Variants in GGA3 observed in about 807,000 individuals in gnomAD.
GGA3 encodes the protein golgi associated, gamma adaptin ear containing, ARF binding protein 3, also known as ADP-ribosylation factor-binding protein GGA3.
GGA3 carries 57 observed loss-of-function variants against 77.5 expected under a neutral mutation model. The ratio of observed to expected loss-of-function variants is 0.74; its 90% CI spans 0.59 to 0.92. The LOEUF (loss-of-function observed/expected upper bound fraction) is 0.92, where lower values mean the gene tolerates loss of function less well. GGA3 is among the 40% of genes least tolerant of loss of function. GGA3 has a pLI of 0.00. For missense variants in GGA3, 970 were observed against 914.9 expected (o/e 1.06, Z -0.78); for synonymous variants, 416 against 383.7 (o/e 1.08, Z -0.98).
intron 1 of GGA3, among the ~76,000 whole-genome samples, chr17:75,255,430 C>T (rs912535456): frequency 4.6e-5 from 7 of 152,082 alleles, no homozygotes; most frequent in East Asian, 1.9e-4. Flanking sequence ...GCCTCCTTTG[C>T]GTCCTCCTCT....
chr17:75,239,704 C>G, intron 13 of GGA3, 85 bp downstream of exon 13: 1 of 1,520,100 alleles, frequency 6.6e-7, no homozygotes, highest in Non-Finnish European at 9.1e-7. Flanking sequence ...GACTACAAGG[C>G]ACCCCCACCC....
chr17:75,241,614 C>T lies in GGA3; in HGVS notation c.829+1G>A. On this transcript the variant is annotated splice_donor_variant, in intron 9 of 16. Transcript: ENST00000537686. LOFTEE classifies it high-confidence loss of function. Reference sequence around the variant, plus strand: ...TCCCTGACCGTCGCTCTTTCACTCACCCAAACTGTTATCATTGTCCTCAGT... The same window carrying T: ...TCCCTGACCGTCGCTCTTTCACTCATCCAAACTGTTATCATTGTCCTCAGT... The T allele has an allele frequency of 1.2e-6, 2 of 1,613,886 alleles. No individual in the cohort carries two copies. Among genetic ancestry groups the T allele is most frequent in the South Asian group, 1.1e-5 (1 of 91,082 alleles).
intron 1 of GGA3, among the ~76,000 whole-genome samples, chr17:75,250,806 G>A (rs918830717): frequency 2.1e-4 from 31 of 148,816 alleles, no homozygotes; most frequent in Non-Finnish European, 4.3e-4. Flanking sequence ...GTCTGGGCAC[G>A]GTGGCTCACG....
chr17:75,254,754 A>AC (rs1423009919), intron 1 of GGA3, among the ~76,000 whole-genome samples: 1 of 152,026 alleles, frequency 6.6e-6, no homozygotes, highest in East Asian at 1.9e-4. Flanking sequence ...TGTGAGACAA[A>AC]CCCCAGCTAC....
At position 75,238,207 on chromosome 17, in the gene GGA3, C is replaced by T. The variant is rs543385178; in HGVS notation, c.*72G>A. 9.5e-5 allele frequency: 149 copies of T among 1,569,858 alleles called. No individual in the cohort carries two copies. Among genetic ancestry groups the T allele is most frequent in the South Asian group, 4.7e-4 (40 of 84,674 alleles). On this transcript the variant is annotated 3_prime_UTR_variant, in exon 17 of 17. Coordinates refer to ENST00000537686, the MANE Select transcript of GGA3 (RefSeq NM_138619.4). ...ACTGTTGTCAGGGCATGGAGAGTGA[C>T]GGGACCAGAGCCCTCCTCGTCTCAG...
At chr17:75,246,026 T>C (rs562932548) in intron 3 of GGA3, among the ~76,000 whole-genome samples, 1 of 152,192 alleles carries the variant, frequency 6.6e-6, no homozygotes, top group Non-Finnish European at 1.5e-5. Context: ...TTAAATTCCC[T>C]CAGTCTGAAC....
intron 14 of GGA3, 66 bp from the exon 15 acceptor site, chr17:75,239,149 G>T: frequency 6.9e-7 from 1 of 1,446,524 alleles, no homozygotes; most frequent in Non-Finnish European, 9.5e-7. Context: ...CCCCGGCGGT[G>T]AGGAGAAAAG....
At chr17:75,254,871 C>T (rs986653439) in intron 1 of GGA3, among the ~76,000 whole-genome samples, 4 of 152,152 alleles carry the variant, frequency 2.6e-5, no homozygotes, top group African/African-American at 4.8e-5. Context: ...ATCTGGCCAC[C>T]GAGCCAAGGA....
chr17:75,261,877 G>T (rs755858487), upstream of GGA3: 15 of 1,605,278 alleles, frequency 9.3e-6, no homozygotes, highest in East Asian at 8.9e-5. Flanking sequence ...GGCAGTCCTT[G>T]TGGGGTCCTC....
chr17:75,252,875 C>A (rs540409558), intron 1 of GGA3, among the ~76,000 whole-genome samples: 1 of 152,288 alleles, frequency 6.6e-6, no homozygotes, highest in East Asian at 1.9e-4. Context: ...TCCCTGCCCG[C>A]AAAACATTGC....
In GGA3 at chr17:75,243,445, A is replaced by G. The variant is rs1275223681; in HGVS notation, c.424+2T>C. The G allele has an allele frequency of 6.2e-7, 1 of 1,613,794 alleles. No homozygotes were observed. The highest frequency in any genetic ancestry group is 1.3e-5 in the African/African-American group (1 of 74,832). On this transcript the variant is annotated splice_donor_variant, in intron 5 of 16. Transcript: ENST00000537686. LOFTEE classifies it high-confidence loss of function. Reference sequence around the variant, plus strand: ...GGAGGCTGCGGGCAGGCAGACACGTACCCTGTCTCTTCAGCATGTGGTAGG... The same window carrying G: ...GGAGGCTGCGGGCAGGCAGACACGTGCCCTGTCTCTTCAGCATGTGGTAGG...
intron 8 of GGA3, 62 bp downstream of exon 8, chr17:75,242,274 T>G: frequency 6.3e-7 from 1 of 1,585,940 alleles, no homozygotes; most frequent in Non-Finnish European, 8.7e-7. Context: ...CAGCAAATGC[T>G]GGCTGAGCTC....
intron 1 of GGA3, among the ~76,000 whole-genome samples, chr17:75,250,400 T>G (rs968328641): frequency 3.9e-5 from 6 of 152,224 alleles, no homozygotes; most frequent in Admixed American, 3.9e-4. Flanking sequence ...TAAAACGTCA[T>G]GTGGGGATGG....
Position 75,243,576 on chromosome 17 carries a change from T to A in GGA3, c.301-6A>T. 6.2e-7 allele frequency: 1 copy of A among 1,613,690 alleles called. No homozygotes were observed. The highest frequency in any genetic ancestry group is 8.5e-7 in the Non-Finnish European group (1 of 1,179,866). ...GACACCCTGTCCCCCAGGTACTACATGGCAAAAGAAAATGAGGACCTAGTA... is the reference window on the plus strand; with the variant it reads ...GACACCCTGTCCCCCAGGTACTACAAGGCAAAAGAAAATGAGGACCTAGTA... On this transcript the variant is annotated splice_polypyrimidine_tract_variant and splice_region_variant and intron_variant, in intron 4 of 16. Coordinates refer to ENST00000537686, the MANE Select transcript of GGA3 (RefSeq NM_138619.4).
chr17:75,238,386 TCTC>T lies in GGA3; in HGVS notation c.2062_2064del (p.Glu688del). 2 of 1,613,274 alleles carry T rather than the reference TCTC, an allele frequency of 1.2e-6. No homozygotes were observed. The highest frequency in any genetic ancestry group is 1.7e-6 in the Non-Finnish European group (2 of 1,179,734). ...GTCAGCTTATACCGAAGCCGCACCTTCTCCTGTGACAGAGGGCAGCAAGTGAGA... is the reference window on the plus strand; with the variant it reads ...GTCAGCTTATACCGAAGCCGCACCTTCTGTGACAGAGGGCAGCAAGTGAGA... On this transcript the variant is annotated inframe_deletion and splice_region_variant, in exon 17 of 17. Coordinates refer to ENST00000537686, the MANE Select transcript of GGA3 (RefSeq NM_138619.4).
chr17:75,248,882 C>G, intron 1 of GGA3: 1 of 984,846 alleles, frequency 1.0e-6, no homozygotes, highest in South Asian at 4.7e-5. Context: ...AGCTCCTTCA[C>G]TGGCAACAGG....
intron 1 of GGA3, among the ~76,000 whole-genome samples, chr17:75,249,802 C>G (rs1451938868): frequency 6.6e-6 from 1 of 152,172 alleles, no homozygotes; most frequent in Non-Finnish European, 1.5e-5. Context: ...ATCCCCCCAA[C>G]CCCCGAAGCA....
intron 1 of GGA3, among the ~76,000 whole-genome samples, chr17:75,251,634 C>T (rs186625641): frequency 5.8e-4 from 76 of 131,230 alleles, no homozygotes; most frequent in African/African-American, 1.9e-3. Context: ...TTAACCCAGG[C>T]GGCAGAGGTT....
In GGA3 at chr17:75,237,917, T is replaced by TCCCACCG; in HGVS notation, c.*361_*362insCGGTGGG. On this transcript the variant is annotated 3_prime_UTR_variant, in exon 17 of 17. Transcript: ENST00000537686. ...CCCATGACAGTCTCTCTTTAGAGAC[T>TCCCACCG]CCCACCCCCCACCCCCCACCCCAGT... The TCCCACCG allele has an allele frequency of 1.3e-6, 1 of 762,000 alleles. No individual in the cohort carries two copies. The allele number at this position is 762,000 out of a possible 1,614,324, so 47.2% of individuals were successfully genotyped here.
Sources: allele counts gnomAD v4.1 joint callset (sites outside exome capture counted in the v4.1 genomes callset), GRCh38; gene constraint gnomAD v4.1.1; transcripts MANE v1.5; gene names NCBI Gene and HGNC (gene_info 2026-07-23, HGNC 2026-07-21).